CACNA2D3: variants seen among roughly 807,000 people sequenced by gnomAD.
CACNA2D3 encodes the protein voltage-dependent calcium channel subunit alpha-2/delta-3.
CACNA2D3 carries 60 observed loss-of-function variants against 160.6 expected under a neutral mutation model. That is an observed-to-expected ratio of 0.37 (90% CI 0.30 to 0.46). The LOEUF (loss-of-function observed/expected upper bound fraction) is 0.46. Ranked by LOEUF, CACNA2D3 falls within the 20% of genes least tolerant of loss-of-function variation. The pLI, the probability that CACNA2D3 is intolerant of heterozygous loss-of-function variation, is 1.00. For missense variants in CACNA2D3, 1,205 were observed against 1,365.0 expected, an observed-to-expected ratio of 0.88 and a Z score of 1.85; for synonymous variants, 558 against 492.9, an observed-to-expected ratio of 1.13 and a Z score of -1.75.
chr3:54,837,499 G>T (rs1698720877), intron 15 of CACNA2D3, among the ~76,000 whole-genome samples: 1 of 152,078 alleles, frequency 6.6e-6, no homozygotes, highest in Non-Finnish European at 1.5e-5. Flanking sequence ...CATGATTATG[G>T]TGCACTGACC....
chr3:54,932,352 C>G (rs79623557), intron 27 of CACNA2D3, among the ~76,000 whole-genome samples: 1 of 148,028 alleles, frequency 6.8e-6, no homozygotes, highest in Admixed American at 6.6e-5. Context: ...CCTATAAATA[C>G]GCGTTGGTTT....
chr3:54,713,160 T>C (rs557885359), intron 11 of CACNA2D3, among the ~76,000 whole-genome samples: 1 of 152,252 alleles, frequency 6.6e-6, no homozygotes, highest in Non-Finnish European at 1.5e-5. Flanking sequence ...GTTTGTTTTA[T>C]ACAGGAACAG....
rs139252258 is a variant in CACNA2D3 at position 54,213,615 on chromosome 3, G to T, written c.204+90021G>T. On this transcript the variant is annotated intron_variant, in intron 2 of 37. Transcript: ENST00000474759. ...GTGGCTGAATTAAGGAATTCCTTGT[G>T]GCCTGCCACTTTCAGGTTGCTGAAT... 3.7e-3 allele frequency among the ~76,000 whole-genome samples: 563 copies of T among 152,302 alleles called. 4 individuals carry two copies. The highest frequency in any genetic ancestry group is 0.013 in the African/African-American group (541 of 41,564).
chr3:55,020,684 T>C (rs1703428550), intron 35 of CACNA2D3, among the ~76,000 whole-genome samples: 1 of 151,818 alleles, frequency 6.6e-6, no homozygotes, highest in African/African-American at 2.4e-5. Flanking sequence ...ACCCTGCCTC[T>C]ACTAAAAAAT....
At chr3:54,793,777 C>G (rs1319079) in intron 13 of CACNA2D3, among the ~76,000 whole-genome samples, 3 of 152,142 alleles carry the variant, frequency 2.0e-5, no homozygotes, top group African/African-American at 7.2e-5. Context: ...TCTTTATTTT[C>G]TAAAACATGT....
chr3:54,618,661 C>A (rs1037824311), intron 9 of CACNA2D3, among the ~76,000 whole-genome samples: 3 of 152,096 alleles, frequency 2.0e-5, no homozygotes, highest in African/African-American at 7.2e-5. Flanking sequence ...AATGTAGCCA[C>A]CACTGCTTGG....
Position 54,460,030 on chromosome 3 carries a change from A to C in CACNA2D3, c.382-43462A>C, listed in dbSNP as rs1377021533. On this transcript the variant is annotated intron_variant, in intron 4 of 37. Transcript: ENST00000474759. ...TCCCAGCACCATTTATTAAATAGGG[A>C]ATCCTTTCCCCATTGCTTGTTTTTC... is the stretch of plus-strand genomic sequence containing the variant. 5.3e-5 allele frequency among the ~76,000 whole-genome samples: 8 copies of C among 152,106 alleles called. No individual in the cohort carries two copies. The East Asian group carries it at 1.5e-3, about 29-fold the overall frequency.
intron 5 of CACNA2D3, among the ~76,000 whole-genome samples, chr3:54,518,481 G>A (rs559077791): frequency 5.3e-5 from 8 of 152,288 alleles, no homozygotes; most frequent in East Asian, 1.9e-4. Flanking sequence ...GAGTCCTGGC[G>A]TCTTCTTCAT....
chr3:54,156,927 A>G (rs35666674), intron 2 of CACNA2D3, among the ~76,000 whole-genome samples: 12,077 of 152,266 alleles, frequency 0.079, 528 homozygotes, highest in South Asian at 0.17. Flanking sequence ...TTTTTAAGCT[A>G]TTAGTTTTTG....
At chr3:54,734,585 A>G (rs1275461281) in intron 11 of CACNA2D3, among the ~76,000 whole-genome samples, 2 of 152,244 alleles carry the variant, frequency 1.3e-5, no homozygotes, top group East Asian at 3.8e-4. Flanking sequence ...GTGACACCCC[A>G]TCACTACCCT....
At chr3:54,408,046 GTCTTTCTTCTCC>G (rs1355639457) in intron 4 of CACNA2D3, among the ~76,000 whole-genome samples, 1 of 152,178 alleles carries the variant, frequency 6.6e-6, no homozygotes, top group East Asian at 1.9e-4. Flanking sequence ...GAGAGATGCT[GTCTTTCTTCTCC>G]TAGAACTTAC....
In CACNA2D3 at chr3:54,506,176, T is replaced by C. The variant is rs575356764; in HGVS notation, c.544+2522T>C. Among the ~76,000 whole-genome samples the C allele has an allele frequency of 5.3e-5, 8 of 152,310 alleles. No individual in the cohort carries two copies. The East Asian group carries it at 1.5e-3, about 29-fold the overall frequency. On this transcript the variant is annotated intron_variant, in intron 5 of 37. Transcript: ENST00000474759. Reference sequence around the variant, plus strand: ...CAAAACAGCCCCTAACAGCCTTTTTTTTTTGTTTTCCTTTTCAAGCTGCAG... The same window carrying C: ...CAAAACAGCCCCTAACAGCCTTTTTCTTTTGTTTTCCTTTTCAAGCTGCAG...
At chr3:54,194,821 C>T (rs145139885) in intron 2 of CACNA2D3, among the ~76,000 whole-genome samples, 1 of 152,312 alleles carries the variant, frequency 6.6e-6, no homozygotes, top group East Asian at 1.9e-4. Context: ...GCAAAGCCCT[C>T]ATGATTTAAT....
At chr3:54,856,389 A>G (rs544386240) in intron 17 of CACNA2D3, among the ~76,000 whole-genome samples, 2 of 152,264 alleles carry the variant, frequency 1.3e-5, no homozygotes, top group South Asian at 4.1e-4. Flanking sequence ...GGCCTTTCAG[A>G]TAACATGGAT....
chr3:54,765,548 T>C (rs1174996722), intron 13 of CACNA2D3, among the ~76,000 whole-genome samples: 1 of 152,142 alleles, frequency 6.6e-6, no homozygotes, highest in East Asian at 1.9e-4. Flanking sequence ...ATAGCAGCCA[T>C]GGTGATAACT....
intron 3 of CACNA2D3, among the ~76,000 whole-genome samples, chr3:54,365,806 T>G (rs1394800345): frequency 6.6e-6 from 1 of 152,156 alleles, no homozygotes; most frequent in African/African-American, 2.4e-5. Flanking sequence ...GAGGTTGCAA[T>G]GAGCCAAGAT....
At chr3:54,714,903 T>G (rs1258228910) in intron 11 of CACNA2D3, among the ~76,000 whole-genome samples, 9 of 152,224 alleles carry the variant, frequency 5.9e-5, no homozygotes. Context: ...CAGTTTCTCT[T>G]ATAATACTTT....
intron 11 of CACNA2D3, among the ~76,000 whole-genome samples, chr3:54,717,738 ATG>A (rs1300900690): frequency 4.8e-5 from 4 of 83,986 alleles, no homozygotes; most frequent in Non-Finnish European, 7.0e-5. Flanking sequence ...GTGTGTGTGC[ATG>A]TGTGGTGTGG....
intron 15 of CACNA2D3, among the ~76,000 whole-genome samples, chr3:54,838,029 C>A (rs1452900367): frequency 6.6e-6 from 1 of 152,170 alleles, no homozygotes; most frequent in Non-Finnish European, 1.5e-5. Context: ...TAGCAAATCA[C>A]AATGGCTACA....
Sources: allele counts gnomAD v4.1 joint callset (sites outside exome capture counted in the v4.1 genomes callset), GRCh38; gene constraint gnomAD v4.1.1; transcripts MANE v1.5; gene names NCBI Gene and HGNC (gene_info 2026-07-23, HGNC 2026-07-21).